The following CCDC12 variants were observed in gnomAD, a reference collection of about 807,000 sequenced individuals.
CCDC12 encodes coiled-coil domain containing 12.
CCDC12 carries 28 observed loss-of-function variants against 25.7 expected under a neutral mutation model. The ratio of observed to expected loss-of-function variants is 1.09; its 90% CI spans 0.81 to 1.50. The LOEUF (loss-of-function observed/expected upper bound fraction) is 1.50, where lower values mean the gene tolerates loss of function less well. Ranked by LOEUF, CCDC12 falls within the 40% of genes most tolerant of loss-of-function variation. The probability of loss-of-function intolerance (pLI) is 0.00; values close to 1 mark genes in which losing one functional copy is unlikely to be tolerated. For missense variants in CCDC12, 198 were observed against 210.0 expected (o/e 0.94, Z 0.35); for synonymous variants, 75 against 87.7 (o/e 0.86, Z 0.81).
intron 2 of CCDC12, among the ~76,000 whole-genome samples, chr3:46,933,345 G>C (rs1036798849): frequency 6.6e-6 from 1 of 152,182 alleles, no homozygotes; most frequent in Non-Finnish European, 1.5e-5. Context: ...CAAGGAGGCC[G>C]GAGAAGCCAG....
At chr3:46,922,456 T>A in intron 5 of CCDC12, 144 bp from the exon 6 acceptor site, 1 of 806,002 alleles carries the variant, frequency 1.2e-6, no homozygotes, top group Non-Finnish European at 2.1e-6. Flanking sequence ...GCCAGGACAT[T>A]CCCCTTCTGT....
chr3:46,968,741 G>C (rs2034713177), intron 1 of CCDC12, among the ~76,000 whole-genome samples: 1 of 152,204 alleles, frequency 6.6e-6, no homozygotes, highest in South Asian at 2.1e-4. Context: ...TCCTTCCCGG[G>C]AGGTACTTAT....
intron 1 of CCDC12, among the ~76,000 whole-genome samples, chr3:46,971,299 C>A (rs2034796135): frequency 1.3e-5 from 2 of 152,236 alleles, no homozygotes; most frequent in South Asian, 4.1e-4. Context: ...CGGGAACTGG[C>A]TGACCTACAA....
chr3:46,969,131 T>C (rs2034724530), intron 1 of CCDC12, among the ~76,000 whole-genome samples: 1 of 152,086 alleles, frequency 6.6e-6, no homozygotes, highest in South Asian at 2.1e-4. Flanking sequence ...TCACCCAGCA[T>C]ACTAGGCCTC....
chr3:46,978,387 C>A (rs2035074552), upstream of CCDC12, among the ~76,000 whole-genome samples: 1 of 152,152 alleles, frequency 6.6e-6, no homozygotes, highest in Non-Finnish European at 1.5e-5. Context: ...TCTTGGCCAA[C>A]CAAGGTCTAG....
chr3:46,954,302 C>T (rs1287506556), intron 1 of CCDC12, among the ~76,000 whole-genome samples: 1 of 152,136 alleles, frequency 6.6e-6, no homozygotes, highest in East Asian at 1.9e-4. Context: ...TAGGCTGAGC[C>T]CAGGAGGGAA....
chr3:46,931,088 T>C (rs1240769530), intron 2 of CCDC12, among the ~76,000 whole-genome samples: 2 of 152,202 alleles, frequency 1.3e-5, no homozygotes, highest in African/African-American at 4.8e-5. Flanking sequence ...GCAAAGAAGT[T>C]GTGCCCAGCA....
intron 1 of CCDC12, among the ~76,000 whole-genome samples, chr3:46,946,194 G>C (rs1347706749): frequency 6.6e-6 from 1 of 152,158 alleles, no homozygotes; most frequent in Non-Finnish European, 1.5e-5. Flanking sequence ...CTCTTTCCTT[G>C]CACCCCTCAG....
At chr3:46,934,671 C>G (rs1287796072) in intron 2 of CCDC12, among the ~76,000 whole-genome samples, 1 of 152,236 alleles carries the variant, frequency 6.6e-6, no homozygotes, top group Non-Finnish European at 1.5e-5. Context: ...GCTTCACCAT[C>G]TTCCTTAAAC....
At chr3:46,972,773 T>TAAAA (rs34559587) in intron 1 of CCDC12, among the ~76,000 whole-genome samples, 1 of 141,236 alleles carries the variant, frequency 7.1e-6, no homozygotes, top group Non-Finnish European at 1.5e-5. Flanking sequence ...CTGACTCCTT[T>TAAAA]AAAAAAAAAA....
At chr3:46,976,970 G>C, upstream of CCDC12, 53 of 189,970 alleles carry the variant, frequency 2.8e-4, no homozygotes, top group East Asian at 2.9e-4. Flanking sequence ...AAAAAAAAAA[G>C]AAAAAAAAAA....
At chr3:46,937,120 C>T (rs982775000) in intron 2 of CCDC12, among the ~76,000 whole-genome samples, 3 of 152,162 alleles carry the variant, frequency 2.0e-5, no homozygotes, top group African/African-American at 7.2e-5. Context: ...ACTCCCTTGG[C>T]GTCACTCCTG....
intron 1 of CCDC12, among the ~76,000 whole-genome samples, chr3:46,954,056 T>G (rs906997775): frequency 1.3e-5 from 2 of 152,134 alleles, no homozygotes; most frequent in Non-Finnish European, 2.9e-5. Context: ...CCTCCCCTGG[T>G]GGGAGACAGC....
chr3:46,972,473 T>C (rs931370559), intron 1 of CCDC12, among the ~76,000 whole-genome samples: 1 of 152,092 alleles, frequency 6.6e-6, no homozygotes, highest in African/African-American at 2.4e-5. Context: ...ATTAAAAATA[T>C]GGGCAAAAGG....
At chr3:46,949,272 G>C (rs1423250202) in intron 1 of CCDC12, among the ~76,000 whole-genome samples, 1 of 152,194 alleles carries the variant, frequency 6.6e-6, no homozygotes, top group Non-Finnish European at 1.5e-5. Context: ...AGTGGGGACA[G>C]AGGGACGGAG....
intron 1 of CCDC12, among the ~76,000 whole-genome samples, chr3:46,953,606 T>C (rs546934875): frequency 6.7e-6 from 1 of 149,738 alleles, no homozygotes; most frequent in South Asian, 2.1e-4. Flanking sequence ...CACTCAGGCC[T>C]GACACAGCCT....
At chr3:46,973,613 CTTTTTTTTT>C (rs758663577) in intron 1 of CCDC12, among the ~76,000 whole-genome samples, 10 of 97,954 alleles carry the variant, frequency 1.0e-4, no homozygotes, top group Non-Finnish European at 1.5e-4. Flanking sequence ...TTCTTCTTTT[CTTTTTTTTT>C]TTTTTTTTTG....
intron 1 of CCDC12, among the ~76,000 whole-genome samples, chr3:46,946,706 G>C (rs1476316694): frequency 6.6e-6 from 1 of 152,222 alleles, no homozygotes; most frequent in Non-Finnish European, 1.5e-5. Flanking sequence ...AGTCAGGTGA[G>C]ATCCTCCACT....
At chr3:46,976,957 CAAAAAAAAAAA>C (rs34971711), upstream of CCDC12, 1 of 298,528 alleles carries the variant, frequency 3.3e-6, no homozygotes, top group Admixed American at 6.9e-5. Flanking sequence ...GGGGAGCCAG[CAAAAAAAAAAA>C]AGAAAAAAAA....
Sources: allele counts gnomAD v4.1 joint callset (sites outside exome capture counted in the v4.1 genomes callset), GRCh38; gene constraint gnomAD v4.1.1; transcripts MANE v1.5; gene names NCBI Gene and HGNC (gene_info 2026-07-23, HGNC 2026-07-21).